The following GPHN variants were observed in gnomAD, a reference collection of about 807,000 sequenced individuals.
The protein encoded by GPHN is gephyrin.
In GPHN, 17 loss-of-function variants were observed where a neutral mutation model predicts 95.5. That is an observed-to-expected ratio of 0.18 (90% confidence interval 0.12 to 0.27). GPHN has a LOEUF of 0.27. Among genes scored for constraint, GPHN ranks in the 10% least tolerant of loss-of-function variants. The pLI is 1.00. For missense variants in GPHN, 660 were observed against 978.1 expected, an observed-to-expected ratio of 0.67 and a Z score of 4.34; for synonymous variants, 320 against 322.5, an observed-to-expected ratio of 0.99 and a Z score of 0.08.
At chr14:66,730,310 A>G (rs1354149168) in intron 2 of GPHN, among the ~76,000 whole-genome samples, 2 of 152,204 alleles carry the variant, frequency 1.3e-5, no homozygotes, top group Non-Finnish European at 2.9e-5. Flanking sequence ...CAAGCCTTTG[A>G]AAATCAGGCT....
the GPHN span, among the ~76,000 whole-genome samples, chr14:67,509,785 T>C: frequency 3.3e-5 from 5 of 152,256 alleles, no homozygotes; most frequent in Admixed American, 2.6e-4. Context: ...GGCAGGAGGA[T>C]TGCTTGAGGC....
At chr14:66,792,680 A>G (rs2060014548) in intron 3 of GPHN, among the ~76,000 whole-genome samples, 1 of 152,232 alleles carries the variant, frequency 6.6e-6, no homozygotes, top group Non-Finnish European at 1.5e-5. Context: ...AAGGAGCACT[A>G]GTAAAGTGCA....
the GPHN span, among the ~76,000 whole-genome samples, chr14:67,420,298 G>A: frequency 1.5e-4 from 23 of 152,346 alleles, no homozygotes; most frequent in Middle Eastern, 0.01. Context: ...CCGCCTCTGG[G>A]AGATGCTGCC....
At chr14:67,010,681 GTGGGATGTAAGAGT>G (rs2072944387) in intron 9 of GPHN, among the ~76,000 whole-genome samples, 1 of 151,880 alleles carries the variant, frequency 6.6e-6, no homozygotes, top group South Asian at 2.1e-4. Context: ...TTTAAAACAT[GTGGGATGTAAGAGT>G]TGGAAAGCTC....
intron 9 of GPHN, among the ~76,000 whole-genome samples, chr14:66,985,519 G>T (rs2070964620): frequency 6.6e-6 from 1 of 152,084 alleles, no homozygotes; most frequent in Non-Finnish European, 1.5e-5. Context: ...TATTTGCAGA[G>T]CATGTCATAC....
chr14:67,292,912 C>T, the GPHN span, among the ~76,000 whole-genome samples: 1 of 152,056 alleles, frequency 6.6e-6, no homozygotes, highest in Non-Finnish European at 1.5e-5. Flanking sequence ...ACTTCAGAGT[C>T]AGAACACTGT....
chr14:67,327,381 C>T, the GPHN span, among the ~76,000 whole-genome samples: 1 of 151,154 alleles, frequency 6.6e-6, no homozygotes, highest in South Asian at 2.1e-4. Context: ...AGGCGGGGTA[C>T]AGTGGCTCAC....
rs551707883 is a variant in GPHN at position 66,906,640 on chromosome 14, G to T, written c.390-9363G>T. On this transcript the variant is annotated intron_variant, in intron 5 of 22. Transcript: ENST00000478722. ...TCTCTGTGCTGTTCATTTGCTTTTG[G>T]TTTCCTGTTGAGAGGAGTGAAGTCA... is the stretch of plus-strand genomic sequence containing the variant. 1.3e-4 allele frequency among the ~76,000 whole-genome samples: 20 copies of T among 152,188 alleles called. No individual in the cohort carries two copies. The South Asian group carries it at 4.1e-3, about 32-fold the overall frequency.
chr14:67,731,738 C>T, the GPHN span, among the ~76,000 whole-genome samples: 1 of 152,222 alleles, frequency 6.6e-6, no homozygotes, highest in Admixed American at 6.5e-5. Flanking sequence ...TAACCAGCCA[C>T]TGGGCAGTAG....
At chr14:67,517,205 C>G in the GPHN span, among the ~76,000 whole-genome samples, 2 of 152,144 alleles carry the variant, frequency 1.3e-5, no homozygotes, top group African/African-American at 2.4e-5. Flanking sequence ...AAGGGCCATC[C>G]CCTGTGCCCC....
chr14:67,466,262 C>T, the GPHN span, among the ~76,000 whole-genome samples: 2 of 152,240 alleles, frequency 1.3e-5, no homozygotes, highest in Non-Finnish European at 2.9e-5. Flanking sequence ...CTGCGGATCT[C>T]CTTCTCTGTA....
chr14:67,373,520 A>ATTCT, the GPHN span, among the ~76,000 whole-genome samples: 9 of 152,216 alleles, frequency 5.9e-5, no homozygotes, highest in African/African-American at 1.7e-4. Flanking sequence ...AGTGTCTAGA[A>ATTCT]AAACACCACA....
chr14:67,618,398 G>A, the GPHN span, among the ~76,000 whole-genome samples: 1 of 152,048 alleles, frequency 6.6e-6, no homozygotes, highest in Non-Finnish European at 1.5e-5. Context: ...TTTTGAGATA[G>A]GGTCTCACTC....
chr14:67,254,327 C>A, the GPHN span: 1 of 151,764 alleles, frequency 6.6e-6, no homozygotes, highest in Non-Finnish European at 1.5e-5. Flanking sequence ...TTAGCTTAAC[C>A]CTTTTTCCTA....
At position 66,738,186 on chromosome 14, in the gene GPHN, CTTGAACGG is replaced by C. The variant is rs534322671; in HGVS notation, c.144-38275_144-38268del. On this transcript the variant is annotated intron_variant, in intron 2 of 22. Transcript: ENST00000478722. ...AATTGTTAGGCTTTCTATATTCATT[CTTGAACGG>C]TTACCCCAAAAGAGTATCCTAAAAT... is the stretch of plus-strand genomic sequence containing the variant. 9.2e-5 allele frequency among the ~76,000 whole-genome samples: 14 copies of C among 152,300 alleles called. No individual in the cohort carries two copies. In the East Asian group the frequency reaches 2.7e-3, roughly 29 times the overall value.
the GPHN span, among the ~76,000 whole-genome samples, chr14:67,465,519 C>T: frequency 1.3e-5 from 2 of 152,204 alleles, no homozygotes; most frequent in Non-Finnish European, 2.9e-5. Flanking sequence ...TGCATCTAAA[C>T]AGAAACTTCA....
At chr14:67,496,353 A>T in the GPHN span, among the ~76,000 whole-genome samples, 1 of 139,544 alleles carries the variant, frequency 7.2e-6, no homozygotes, top group Non-Finnish European at 1.5e-5. Context: ...TTGGCCTCCC[A>T]AAGTGCTGGG....
At chr14:67,340,788 C>CGAG in the GPHN span, among the ~76,000 whole-genome samples, 1 of 152,176 alleles carries the variant, frequency 6.6e-6, no homozygotes, top group South Asian at 2.1e-4. Context: ...ATTCTCCTGC[C>CGAG]TCAGCCTGCC....
At chr14:67,013,669 A>G (rs888953567) in intron 9 of GPHN, among the ~76,000 whole-genome samples, 1 of 152,054 alleles carries the variant, frequency 6.6e-6, no homozygotes, top group African/African-American at 2.4e-5. Context: ...GTGCCTTATG[A>G]ATGCTAGTTA....
Sources: allele counts gnomAD v4.1 joint callset (sites outside exome capture counted in the v4.1 genomes callset), GRCh38; gene constraint gnomAD v4.1.1; transcripts MANE v1.5; gene names NCBI Gene and HGNC (gene_info 2026-07-23, HGNC 2026-07-21).